Variants in STAM observed in about 807,000 individuals in gnomAD.
STAM encodes the protein signal transducing adapter molecule 1.
A neutral mutation model predicts 63.4 loss-of-function variants in STAM; 16 were observed. That is an observed-to-expected ratio of 0.25 (90% CI 0.17 to 0.38). STAM has a LOEUF of 0.38. STAM is among the 10% of genes least tolerant of loss of function. The pLI is 1.00. For synonymous variants in STAM, 238 were observed against 223.9 expected, an observed-to-expected ratio of 1.06 and a Z score of -0.56; for missense variants, 636 against 657.1, an observed-to-expected ratio of 0.97 and a Z score of 0.35.
chr10:17,655,854 G>A (rs1554822069), intron 1 of STAM, among the ~76,000 whole-genome samples: 2 of 152,158 alleles, frequency 1.3e-5, no homozygotes, highest in Non-Finnish European at 2.9e-5. Context: ...TTGAATTGCA[G>A]TGTTCCAGTC....
chr10:17,646,752 A>G (rs1412060984), intron 1 of STAM, among the ~76,000 whole-genome samples: 1 of 152,246 alleles, frequency 6.6e-6, no homozygotes, highest in Non-Finnish European at 1.5e-5. Flanking sequence ...AGCCTTGCAC[A>G]GAGTCCAGTA....
At chr10:17,685,777 AAGC>A (rs1323501228) in intron 4 of STAM, among the ~76,000 whole-genome samples, 1 of 152,178 alleles carries the variant, frequency 6.6e-6, no homozygotes, top group African/African-American at 2.4e-5. Flanking sequence ...CACAGAAAGA[AAGC>A]AGGGAGAACT....
chr10:17,663,190 CTTAATG>C (rs1430339886), intron 2 of STAM, among the ~76,000 whole-genome samples: 1 of 152,064 alleles, frequency 6.6e-6, no homozygotes, highest in African/African-American at 2.4e-5. Context: ...ATTTGTTTTT[CTTAATG>C]TTAACGTTAT....
chr10:17,709,067 G>A lies in STAM; in HGVS notation c.1385+116G>A, dbSNP rs1023477083. The A allele has an allele frequency of 7.1e-6, 9 of 1,265,402 alleles. No individual in the cohort carries two copies. The Middle Eastern group carries it at 9.5e-4, about 133-fold the overall frequency. The allele number at this position is 1,265,402 out of a possible 1,614,324, so 78.4% of individuals were successfully genotyped here. ...AAATATCTGTGGTCAGCGTCATGCGGCCGCCCCATTTGTGCTAATGAGTGG... is the reference window on the plus strand; with the variant it reads ...AAATATCTGTGGTCAGCGTCATGCGACCGCCCCATTTGTGCTAATGAGTGG... On this transcript the variant is annotated intron_variant, in intron 13 of 13. Transcript: ENST00000377524.
chr10:17,693,190 C>T, intron 5 of STAM, 32 bp from the exon 6 acceptor site: 2 of 1,583,730 alleles, frequency 1.3e-6, no homozygotes, highest in East Asian at 2.2e-5. Context: ...TTGATAACAA[C>T]CCTCAAATAC....
At chr10:17,644,764 C>G (rs868931530) in intron 1 of STAM, among the ~76,000 whole-genome samples, 3 of 152,176 alleles carry the variant, frequency 2.0e-5, no homozygotes, top group South Asian at 4.1e-4. Flanking sequence ...AAGTGCTTGC[C>G]TAGACAAATA....
intron 7 of STAM, chr10:17,695,949 C>G (rs1338232402): frequency 1.3e-5 from 2 of 152,050 alleles, no homozygotes; most frequent in Non-Finnish European, 2.9e-5. Flanking sequence ...GTGTTGAAGG[C>G]CCACTTTCTG....
chr10:17,646,617 A>G (rs919779643), intron 1 of STAM, among the ~76,000 whole-genome samples: 2 of 152,218 alleles, frequency 1.3e-5, no homozygotes, highest in Non-Finnish European at 2.9e-5. Flanking sequence ...GTTTTGCTCC[A>G]GAAAAGCTTA....
At chr10:17,696,528 GGA>G (rs1589094526) in intron 7 of STAM, 1 of 364,286 alleles carries the variant, frequency 2.7e-6, no homozygotes, top group Non-Finnish European at 4.9e-6. Flanking sequence ...TCTTTTTTTG[GGA>G]GAGAGTCCAT....
chr10:17,652,473 C>T (rs541110626), intron 1 of STAM, among the ~76,000 whole-genome samples: 11 of 152,246 alleles, frequency 7.2e-5, no homozygotes, highest in African/African-American at 2.6e-4. Context: ...ATAACTGTAT[C>T]ATATGTTCCT....
intron 2 of STAM, among the ~76,000 whole-genome samples, chr10:17,684,223 C>G (rs979751280): frequency 3.3e-5 from 5 of 152,236 alleles, no homozygotes; most frequent in African/African-American, 9.6e-5. Flanking sequence ...AGGCAAACTT[C>G]TGGCTTATCT....
chr10:17,709,037 C>A, intron 13 of STAM, 86 bp downstream of exon 13: 2 of 1,469,230 alleles, frequency 1.4e-6, no homozygotes, highest in Admixed American at 2.0e-5. Flanking sequence ...TAAAATCTGG[C>A]TAATAAATAT....
chr10:17,706,668 C>G (rs547544810), intron 12 of STAM, among the ~76,000 whole-genome samples: 1 of 152,130 alleles, frequency 6.6e-6, no homozygotes, highest in Admixed American at 6.5e-5. Context: ...TGTGAGCCAT[C>G]GCGCCCGGCC....
intron 2 of STAM, among the ~76,000 whole-genome samples, chr10:17,669,700 CTT>C (rs1473808785): frequency 2.1e-5 from 3 of 140,556 alleles, no homozygotes; most frequent in Non-Finnish European, 1.6e-5. Flanking sequence ...TTCTTTCTTT[CTT>C]TTTTTTTTTT....
At chr10:17,710,321 T>C (rs1318341470) in intron 13 of STAM, among the ~76,000 whole-genome samples, 3 of 152,184 alleles carry the variant, frequency 2.0e-5, no homozygotes, top group Non-Finnish European at 2.9e-5. Flanking sequence ...TCTGTAGCGC[T>C]GTGGTACCCT....
intron 2 of STAM, among the ~76,000 whole-genome samples, chr10:17,676,612 T>A (rs185487992): frequency 1.4e-4 from 22 of 152,270 alleles, no homozygotes; most frequent in Admixed American, 1.4e-3. Flanking sequence ...ATGAACATAG[T>A]TTTGGCTGTT....
chr10:17,694,795 A>T (rs1478555241), intron 6 of STAM: 1 of 335,538 alleles, frequency 3.0e-6, no homozygotes, highest in African/African-American at 2.1e-5. Flanking sequence ...ACCCAGAATA[A>T]TTTACATTGT....
chr10:17,644,418 A>G lies in STAM; in HGVS notation c.40+39A>G, dbSNP rs1197405755. On this transcript the variant is annotated intron_variant, in intron 1 of 13. Coordinates refer to ENST00000377524, the MANE Select transcript of STAM (RefSeq NM_003473.4). Reference sequence around the variant, plus strand: ...CCTCTCCCTGCCCATTCCTCACCGGACTGCACGCTCACTCTGCCAGCCCCT... The same window carrying G: ...CCTCTCCCTGCCCATTCCTCACCGGGCTGCACGCTCACTCTGCCAGCCCCT... 4 of 1,612,840 alleles carry G rather than the reference A, an allele frequency of 2.5e-6. No individual in the cohort carries two copies. The African/African-American group carries it at 5.3e-5, about 22-fold the overall frequency.
Position 17,714,573 on chromosome 10 carries a change from A to C in STAM, c.1416A>C (p.Thr472=). Residue 472 remains threonine, a synonymous_variant, in exon 14 of 14, where the codon ACA becomes ACC. Coordinates refer to ENST00000377524, the MANE Select transcript of STAM (RefSeq NM_003473.4). ...TGGTCAGTTCCGTTCAAGGAAACACATATCCCAGCCAGGCGCCAGTATATA... is the reference window on the plus strand; with the variant it reads ...TGGTCAGTTCCGTTCAAGGAAACACCTATCCCAGCCAGGCGCCAGTATATA... ...NTMVSSVQGN[T]YPSQAPVYSP... 1 of 1,614,156 alleles carries C rather than the reference A, an allele frequency of 6.2e-7. No individual in the cohort carries two copies. Among genetic ancestry groups the C allele is most frequent in the Middle Eastern group, 1.6e-4 (1 of 6,062 alleles).
Sources: allele counts gnomAD v4.1 joint callset (sites outside exome capture counted in the v4.1 genomes callset), GRCh38; gene constraint gnomAD v4.1.1; transcripts MANE v1.5; gene names NCBI Gene and HGNC (gene_info 2026-07-23, HGNC 2026-07-21).